Variants in VWC2 observed in about 807,000 individuals in gnomAD.
VWC2 encodes the protein brorin.
VWC2 carries 14 observed loss-of-function variants against 29.8 expected under a neutral mutation model. The observed-to-expected ratio is 0.47, with a 90% confidence interval of 0.31 to 0.74. The LOEUF (loss-of-function observed/expected upper bound fraction) is 0.74. Ranked by LOEUF, VWC2 falls within the 30% of genes least tolerant of loss-of-function variation. The pLI, the probability that VWC2 is intolerant of heterozygous loss-of-function variation, is 0.05. For missense variants in VWC2, 457 were observed against 459.8 expected (o/e 0.99, Z 0.05); for synonymous variants, 213 against 199.0 (o/e 1.07, Z -0.59).
At chr7:49,778,748 A>G (rs1275955284) in intron 2 of VWC2, among the ~76,000 whole-genome samples, 1 of 152,266 alleles carries the variant, frequency 6.6e-6, no homozygotes, top group African/African-American at 2.4e-5. Context: ...ACCAGGGCAC[A>G]GAAATTGTTA....
At chr7:49,870,005 A>G (rs1166296997) in intron 3 of VWC2, among the ~76,000 whole-genome samples, 1 of 152,220 alleles carries the variant, frequency 6.6e-6, no homozygotes, top group African/African-American at 2.4e-5. Context: ...TGCATACTAT[A>G]TGATTCTGTT....
chr7:49,870,591 A>G (rs934057071), intron 3 of VWC2, among the ~76,000 whole-genome samples: 1 of 152,138 alleles, frequency 6.6e-6, no homozygotes, highest in Non-Finnish European at 1.5e-5. Context: ...ATGTCTTACG[A>G]GTAGGATTTT....
intron 3 of VWC2, among the ~76,000 whole-genome samples, chr7:49,805,232 T>C (rs895053883): frequency 9.8e-5 from 15 of 152,326 alleles, no homozygotes; most frequent in Admixed American, 5.9e-4. Flanking sequence ...CTTCTAAATG[T>C]TGACCCTTTA....
intron 2 of VWC2, among the ~76,000 whole-genome samples, chr7:49,786,540 T>C (rs142772012): frequency 6.6e-6 from 1 of 152,340 alleles, no homozygotes; most frequent in Non-Finnish European, 1.5e-5. Flanking sequence ...CTGATTTAAG[T>C]TCTTTGAGAA....
rs536815521 is a variant in VWC2 at position 49,921,499 on chromosome 7, A to G, written c.*9314A>G. 2 of 152,294 alleles carry G rather than the reference A, an allele frequency of 1.3e-5. No individual in the cohort carries two copies. Among genetic ancestry groups the G allele is most frequent in the African/African-American group, 4.8e-5 (2 of 41,566 alleles). The allele number at this position is 152,294 out of a possible 1,614,324, so 9.4% of individuals were successfully genotyped here. Reference sequence around the variant, plus strand: ...ATCCCAGTTCTACCACTTACTGGTTATTTATCAGGTACACGTTACCTACCT... The same window carrying G: ...ATCCCAGTTCTACCACTTACTGGTTGTTTATCAGGTACACGTTACCTACCT... On this transcript the variant is annotated 3_prime_UTR_variant, in exon 4 of 4. Coordinates refer to ENST00000340652, the MANE Select transcript of VWC2 (RefSeq NM_198570.5).
chr7:49,866,124 A>G (rs1293666688), intron 3 of VWC2, among the ~76,000 whole-genome samples: 1 of 152,210 alleles, frequency 6.6e-6, no homozygotes, highest in South Asian at 2.1e-4. Flanking sequence ...GCTCCTTCAT[A>G]TCGCCTCTAA....
At chr7:49,867,132 C>T (rs568413517) in intron 3 of VWC2, among the ~76,000 whole-genome samples, 2 of 152,258 alleles carry the variant, frequency 1.3e-5, no homozygotes, top group East Asian at 3.9e-4. Flanking sequence ...GGGAGCCTCT[C>T]GAGAGAACAA....
intron 2 of VWC2, among the ~76,000 whole-genome samples, chr7:49,780,109 G>GGGT (rs1788142562): frequency 6.6e-6 from 1 of 152,186 alleles, no homozygotes; most frequent in African/African-American, 2.4e-5. Flanking sequence ...AGTAACAGTG[G>GGGT]GGTGTGTGAG....
chr7:49,859,790 GCACACACACA>G (rs57768700), intron 3 of VWC2, among the ~76,000 whole-genome samples: 4 of 12,024 alleles, frequency 3.3e-4, no homozygotes, highest in Non-Finnish European at 5.1e-4. Context: ...GCGCGTGCGT[GCACACACACA>G]CACACACACA....
In VWC2 at chr7:49,919,829, GA is replaced by G. The variant is rs902499097; in HGVS notation, c.*7645del. 1 of 152,152 alleles carries G rather than the reference GA, an allele frequency of 6.6e-6. No homozygotes were observed. Among genetic ancestry groups the G allele is most frequent in the Non-Finnish European group, 1.5e-5 (1 of 68,030 alleles). 9.4% of individuals were successfully genotyped at this position (152,152 alleles called of 1,614,324 possible). A position where few individuals can be genotyped will look rare whatever the true frequency, so the allele number is the denominator to read the frequency against. ...TCTGACTGTTTTCTCTCAAGAAAAA[GA>G]TTTTCATTTTAAGATAGGCATCAGT... On this transcript the variant is annotated 3_prime_UTR_variant, in exon 4 of 4. Transcript: ENST00000340652.
chr7:49,806,110 T>C (rs1307914980), intron 3 of VWC2, among the ~76,000 whole-genome samples: 1 of 148,108 alleles, frequency 6.8e-6, no homozygotes, highest in Admixed American at 6.9e-5. Context: ...CCCCCCACAA[T>C]GATACAAACA....
chr7:49,825,702 T>C (rs1451270247), intron 3 of VWC2, among the ~76,000 whole-genome samples: 1 of 152,186 alleles, frequency 6.6e-6, no homozygotes, highest in Non-Finnish European at 1.5e-5. Flanking sequence ...GCTGTAAGGC[T>C]TTGCTTTCTA....
chr7:49,825,600 T>C (rs1400351337), intron 3 of VWC2, among the ~76,000 whole-genome samples: 1 of 152,234 alleles, frequency 6.6e-6, no homozygotes. Flanking sequence ...AAAGTACTTG[T>C]GCAGTTTATG....
intron 3 of VWC2, among the ~76,000 whole-genome samples, chr7:49,886,605 T>C (rs2128728909): frequency 6.6e-6 from 1 of 152,368 alleles, no homozygotes; most frequent in East Asian, 1.9e-4. Flanking sequence ...GTAGTATTTT[T>C]TTTACTTTTA....
rs375205849 is a variant in VWC2 at position 49,776,068 on chromosome 7, C to T, written c.633C>T (p.Cys211=). The T allele has an allele frequency of 1.9e-6, 3 of 1,555,048 alleles. No homozygotes were observed. The highest frequency in any genetic ancestry group is 2.6e-6 in the Non-Finnish European group (3 of 1,156,350). The change falls in exon 2 of 4, where the codon TGC becomes TGT. Residue 211 remains cysteine, a synonymous_variant. Coordinates refer to ENST00000340652, the MANE Select transcript of VWC2 (RefSeq NM_198570.5). Reference sequence around the variant, plus strand: ...ACACGAGCCAGTGCTGCCCGCAGTGCAAGGAGAGGAAGAACTACTGCGAGT... The same window carrying T: ...ACACGAGCCAGTGCTGCCCGCAGTGTAAGGAGAGGAAGAACTACTGCGAGT... ...HVDTSQCCPQ[C]KERKNYCEFR...
intron 3 of VWC2, among the ~76,000 whole-genome samples, chr7:49,852,987 A>T (rs1399639424): frequency 6.6e-6 from 1 of 152,186 alleles, no homozygotes; most frequent in Non-Finnish European, 1.5e-5. Context: ...GTTCTACTCC[A>T]GTCCAGAGCC....
chr7:49,842,715 A>T (rs995268599), intron 3 of VWC2, among the ~76,000 whole-genome samples: 3 of 152,212 alleles, frequency 2.0e-5, no homozygotes, highest in African/African-American at 7.2e-5. Flanking sequence ...GTCCAATATT[A>T]GTGATTTCCC....
chr7:49,903,152 G>A (rs561061036), intron 3 of VWC2, among the ~76,000 whole-genome samples: 1 of 152,210 alleles, frequency 6.6e-6, no homozygotes, highest in East Asian at 1.9e-4. Context: ...TTCGTGGTTG[G>A]ACTGTAAATT....
intron 3 of VWC2, among the ~76,000 whole-genome samples, chr7:49,836,570 C>T (rs1008320162): frequency 2.0e-5 from 3 of 151,236 alleles, no homozygotes; most frequent in South Asian, 2.1e-4. Context: ...ACTCCAGAGG[C>T]GGAGGTTTCA....
Sources: gnomAD v4.1 joint callset for allele counts (sites outside exome capture counted in the v4.1 genomes callset) on GRCh38, gnomAD v4.1.1 for gene constraint, MANE v1.5 for transcripts, NCBI Gene and HGNC (gene_info 2026-07-23, HGNC 2026-07-21) for gene names.